DCC: variants seen among roughly 807,000 people sequenced by gnomAD.
The protein encoded by DCC is netrin receptor DCC.
A neutral mutation model predicts 172.5 loss-of-function variants in DCC; 58 were observed. That is an observed-to-expected ratio of 0.34 (90% CI 0.27 to 0.42). DCC has a LOEUF of 0.42. DCC is among the 10% of genes least tolerant of loss of function. DCC has a pLI of 1.00. For synonymous variants in DCC, 709 were observed against 644.5 expected, an observed-to-expected ratio of 1.10 and a Z score of -1.52; for missense variants, 1,740 against 1,791.0, an observed-to-expected ratio of 0.97 and a Z score of 0.51.
chr18:52,527,760 A>G (rs1426302004), intron 1 of DCC, among the ~76,000 whole-genome samples: 1 of 152,164 alleles, frequency 6.6e-6, no homozygotes, highest in African/African-American at 2.4e-5. Context: ...ATTTTGTTCT[A>G]TTTGTGGCTG....
intron 7 of DCC, among the ~76,000 whole-genome samples, chr18:53,090,844 T>C (rs1221405011): frequency 6.6e-6 from 1 of 151,562 alleles, no homozygotes; most frequent in Non-Finnish European, 1.5e-5. Context: ...GTAGGACAAT[T>C]TGGGGGAAGT....
intron 5 of DCC, among the ~76,000 whole-genome samples, chr18:52,982,728 T>C (rs1216736041): frequency 6.6e-6 from 1 of 152,196 alleles, no homozygotes; most frequent in East Asian, 1.9e-4. Context: ...CACTAGGTTC[T>C]TATAGATTAT....
chr18:52,869,884 C>T (rs776510224), intron 2 of DCC, among the ~76,000 whole-genome samples: 9 of 152,300 alleles, frequency 5.9e-5, no homozygotes, highest in South Asian at 4.1e-4. Flanking sequence ...GGGGTAAAGG[C>T]GGCCTTCTCA....
intron 7 of DCC, among the ~76,000 whole-genome samples, chr18:53,103,525 T>G (rs898472869): frequency 6.6e-6 from 1 of 152,020 alleles, no homozygotes; most frequent in African/African-American, 2.4e-5. Flanking sequence ...TTATGGTGCC[T>G]TCTTTAAAAT....
At chr18:52,491,862 T>C (rs1271815576) in intron 1 of DCC, among the ~76,000 whole-genome samples, 1 of 151,950 alleles carries the variant, frequency 6.6e-6, no homozygotes, top group Non-Finnish European at 1.5e-5. Context: ...CTGGGATGTT[T>C]GGGGTGTATC....
intron 1 of DCC, among the ~76,000 whole-genome samples, chr18:52,369,257 G>GT (rs35706080): frequency 0.13 from 20,133 of 150,938 alleles, 1,469 homozygotes; most frequent in South Asian, 0.22. Context: ...TTCTTTGTGG[G>GT]TTTTTTTTTC....
chr18:53,038,174 G>A (rs1255253928), intron 5 of DCC, among the ~76,000 whole-genome samples: 1 of 151,932 alleles, frequency 6.6e-6, no homozygotes, highest in African/African-American at 2.4e-5. Flanking sequence ...CAGAGATAAA[G>A]CAAGAGACCA....
rs545635810 is a variant in DCC at position 53,312,053 on chromosome 18, T to C, written c.2053+6334T>C. On this transcript the variant is annotated intron_variant, in intron 13 of 28. Coordinates refer to ENST00000442544, the MANE Select transcript of DCC (RefSeq NM_005215.4). ...GGTAGGGCGCGGTGGCTCATGCCTG[T>C]AATCCCAGCACTTTGGGAGGCCGAG... Among the ~76,000 whole-genome samples the C allele has an allele frequency of 2.7e-5, 4 of 149,604 alleles. No homozygotes were observed. In the South Asian group the frequency reaches 8.4e-4, roughly 31 times the overall value.
At chr18:52,602,579 CTCTT>C (rs1466812844) in intron 1 of DCC, among the ~76,000 whole-genome samples, 1 of 152,018 alleles carries the variant, frequency 6.6e-6, no homozygotes, top group African/African-American at 2.4e-5. Flanking sequence ...AACAGTTAAA[CTCTT>C]TCTTTAGTAA....
chr18:52,655,736 TTA>T (rs2035230935), intron 1 of DCC, among the ~76,000 whole-genome samples: 1 of 151,972 alleles, frequency 6.6e-6, no homozygotes. Context: ...CATAATAAAA[TTA>T]TCTAGATTCT....
chr18:52,421,556 T>C (rs1028823115), intron 1 of DCC, among the ~76,000 whole-genome samples: 1 of 152,200 alleles, frequency 6.6e-6, no homozygotes, highest in Non-Finnish European at 1.5e-5. Flanking sequence ...TCTTGAGGGA[T>C]GGTGTCTTTT....
chr18:52,936,698 C>T (rs1224302158), intron 5 of DCC, among the ~76,000 whole-genome samples: 1 of 152,088 alleles, frequency 6.6e-6, no homozygotes, highest in Non-Finnish European at 1.5e-5. Context: ...GAACTGCTGA[C>T]AGTGGTGGAA....
At chr18:53,057,825 G>C (rs529123479) in intron 5 of DCC, among the ~76,000 whole-genome samples, 34 of 152,154 alleles carry the variant, frequency 2.2e-4, no homozygotes, top group African/African-American at 8.2e-4. Context: ...AATGTGCAAA[G>C]GGATTTAAAA....
intron 9 of DCC, among the ~76,000 whole-genome samples, chr18:53,187,799 G>C (rs1302972136): frequency 6.6e-6 from 1 of 152,196 alleles, no homozygotes; most frequent in African/African-American, 2.4e-5. Context: ...CCCATGCAAT[G>C]AGGAGTTGAG....
At chr18:53,049,027 G>C (rs1404264889) in intron 5 of DCC, among the ~76,000 whole-genome samples, 1 of 151,762 alleles carries the variant, frequency 6.6e-6, no homozygotes, top group Non-Finnish European at 1.5e-5. Flanking sequence ...TTTTTAATGG[G>C]GTTGTTTAGT....
At chr18:52,812,193 T>C (rs564843328) in intron 2 of DCC, among the ~76,000 whole-genome samples, 3 of 152,330 alleles carry the variant, frequency 2.0e-5, no homozygotes, top group Admixed American at 2.0e-4. Flanking sequence ...TTACAAAATA[T>C]AGCATTTATA....
At chr18:53,302,884 T>C (rs1346164806) in intron 12 of DCC, among the ~76,000 whole-genome samples, 3 of 152,206 alleles carry the variant, frequency 2.0e-5, no homozygotes, top group Non-Finnish European at 4.4e-5. Context: ...TGGAAACTTG[T>C]GGATCCCCTC....
At chr18:52,493,978 G>C (rs1373218051) in intron 1 of DCC, among the ~76,000 whole-genome samples, 3 of 151,762 alleles carry the variant, frequency 2.0e-5, no homozygotes, top group East Asian at 1.9e-4. Flanking sequence ...GTTTCCTTCT[G>C]CTTAAAGAAC....
chr18:52,782,329 G>C (rs80289134), intron 2 of DCC, among the ~76,000 whole-genome samples: 8,041 of 152,184 alleles, frequency 0.053, 286 homozygotes, highest in South Asian at 0.16. Context: ...AGTTCGGTTT[G>C]TAGCATCCGC....
Sources: allele counts gnomAD v4.1 joint callset (sites outside exome capture counted in the v4.1 genomes callset), GRCh38; gene constraint gnomAD v4.1.1; transcripts MANE v1.5; gene names NCBI Gene and HGNC (gene_info 2026-07-23, HGNC 2026-07-21).